Variants in TATDN2 observed in about 807,000 individuals in gnomAD.
TATDN2 encodes the protein 3'-5' RNA nuclease TATDN2.
A neutral mutation model predicts 60.3 loss-of-function variants in TATDN2; 44 were observed. That is an observed-to-expected ratio of 0.73 (90% CI 0.57 to 0.94). The LOEUF (loss-of-function observed/expected upper bound fraction) is 0.94. TATDN2 is among the 40% of genes least tolerant of loss of function. The pLI is 0.00. For missense variants in TATDN2, 997 were observed against 948.0 expected, an observed-to-expected ratio of 1.05 and a Z score of -0.68; for synonymous variants, 399 against 355.8, an observed-to-expected ratio of 1.12 and a Z score of -1.37.
rs1698536713 is a variant in TATDN2 at position 10,270,138 on chromosome 3, A to G, written c.956A>G (p.Asp319Gly). 1 of 1,610,892 alleles carries G rather than the reference A, an allele frequency of 6.2e-7. No individual in the cohort carries two copies. The highest frequency in any genetic ancestry group is 1.7e-5 in the Admixed American group (1 of 59,828). Residue 319 changes from aspartate to glycine, a missense_variant, in exon 4 of 8, where the codon GAT (aspartate) becomes GGT (glycine). Asp to Gly is a moderately conservative substitution (Grantham distance 94). Coordinates refer to ENST00000448281, the MANE Select transcript of TATDN2 (RefSeq NM_014760.4). The stretch of plus-strand genomic sequence containing the variant: ...ATGCCTTCTTTTCTGCAGCATAAAG[A>G]TAGGGAGGTGGTGATGGAGCACCCC... ...DSHLEIQKHK[D>G]REVVMEHPSS...
intron 2 of TATDN2, among the ~76,000 whole-genome samples, chr3:10,253,751 A>G (rs1186573025): frequency 6.6e-6 from 1 of 152,242 alleles, no homozygotes; most frequent in East Asian, 1.9e-4. Flanking sequence ...CCACATATCC[A>G]TTAGTAAATA....
In TATDN2 at chr3:10,249,349, G is replaced by A. The variant is rs1236267740; in HGVS notation, c.149G>A (p.Ser50Asn). 1 of 1,612,648 alleles carries A rather than the reference G, an allele frequency of 6.2e-7. No individual in the cohort carries two copies. The highest frequency in any genetic ancestry group is 1.1e-5 in the South Asian group (1 of 90,946). ...TCTGCGTCGCGTTCTGGAGGGCCCA[G>A]CAGCCCCAAGCGCCTGAAAGCCCAG... is the stretch of plus-strand genomic sequence containing the variant. ...QRSASRSGGPSSPKRLKAQKE... is the reference protein window; with the variant it reads ...QRSASRSGGPNSPKRLKAQKE... Residue 50 changes from serine to asparagine, a missense_variant, in exon 2 of 8, where the codon AGC becomes AAC. By Grantham distance (46) the Ser-to-Asn change is conservative. Coordinates refer to ENST00000448281, the MANE Select transcript of TATDN2 (RefSeq NM_014760.4).
At position 10,270,125 on chromosome 3, in the gene TATDN2, C is replaced by T. The variant is rs995241032; in HGVS notation, c.949-6C>T. The T allele has an allele frequency of 1.2e-6, 2 of 1,604,642 alleles. No homozygotes were observed. The highest frequency in any genetic ancestry group is 1.7e-6 in the Non-Finnish European group (2 of 1,175,758). ...AACCCACTGTTGTATGCCTTCTTTT[C>T]TGCAGCATAAAGATAGGGAGGTGGT... On this transcript the variant is annotated splice_region_variant and splice_polypyrimidine_tract_variant and intron_variant, in intron 3 of 7. Coordinates refer to ENST00000448281, the MANE Select transcript of TATDN2 (RefSeq NM_014760.4).
At chr3:10,272,944 C>A (rs1333752155) in intron 4 of TATDN2, among the ~76,000 whole-genome samples, 1 of 145,042 alleles carries the variant, frequency 6.9e-6, no homozygotes, top group African/African-American at 2.6e-5. Context: ...GAGGCTGAGG[C>A]AGGAGGATTG....
intron 4 of TATDN2, among the ~76,000 whole-genome samples, chr3:10,275,535 G>T (rs941757900): frequency 1.3e-5 from 2 of 152,034 alleles, no homozygotes; most frequent in African/African-American, 4.8e-5. Flanking sequence ...ATCAGTTGAG[G>T]TTAGTTTGAG....
At chr3:10,257,155 G>A (rs1414649058) in intron 2 of TATDN2, among the ~76,000 whole-genome samples, 1 of 151,452 alleles carries the variant, frequency 6.6e-6, no homozygotes, top group Non-Finnish European at 1.5e-5. Flanking sequence ...GGTGGCAGAT[G>A]CCTGTAATCC....
Position 10,249,051 on chromosome 3 carries a change from G to A in TATDN2, c.-23G>A. 1 of 884,960 alleles carries A rather than the reference G, an allele frequency of 1.1e-6. No homozygotes were observed. The highest frequency in any genetic ancestry group is 1.6e-6 in the Non-Finnish European group (1 of 634,048). The allele number at this position is 884,960 out of a possible 1,614,324, so 54.8% of individuals were successfully genotyped here. A position where few individuals can be genotyped will look rare whatever the true frequency, so the allele number is the denominator to read the frequency against. Reference sequence around the variant, plus strand: ...AACCTTGAGAACTGTGATGGGCAGTGGAAAGAAGAGGGAAAGGTCAGTGAG... The same window carrying A: ...AACCTTGAGAACTGTGATGGGCAGTAGAAAGAAGAGGGAAAGGTCAGTGAG... On this transcript the variant is annotated 5_prime_UTR_variant, in exon 1 of 8. Coordinates refer to ENST00000448281, the MANE Select transcript of TATDN2 (RefSeq NM_014760.4).
At chr3:10,252,019 GT>G (rs1237273941) in intron 2 of TATDN2, among the ~76,000 whole-genome samples, 4 of 151,642 alleles carry the variant, frequency 2.6e-5, no homozygotes, top group Non-Finnish European at 4.4e-5. Context: ...ATGGTGGCGG[GT>G]GCCTGTAGTC....
intron 2 of TATDN2, among the ~76,000 whole-genome samples, chr3:10,255,203 G>T (rs971274120): frequency 7.3e-5 from 11 of 151,550 alleles, no homozygotes; most frequent in South Asian, 2.1e-4. Context: ...GTAGAGAGGG[G>T]TTTTTTTGCC....
chr3:10,273,044 A>G (rs1698589293), intron 4 of TATDN2, among the ~76,000 whole-genome samples: 1 of 152,128 alleles, frequency 6.6e-6, no homozygotes. Flanking sequence ...CAAAATTATC[A>G]GGGTCTCAGG....
chr3:10,260,261 A>C lies in TATDN2; in HGVS notation c.539A>C (p.Asp180Ala). The C allele has an allele frequency of 6.2e-7, 1 of 1,614,182 alleles. No individual in the cohort carries two copies. The highest frequency in any genetic ancestry group is 1.1e-5 in the South Asian group (1 of 91,080). The change falls in exon 3 of 8, where the codon GAC becomes GCC. Residue 180 changes from aspartate to alanine, a missense_variant. By Grantham distance (126) the Asp-to-Ala change is moderately radical (BLOSUM62 -2). Coordinates refer to ENST00000448281, the MANE Select transcript of TATDN2 (RefSeq NM_014760.4). The stretch of plus-strand genomic sequence containing the variant: ...AAAAGGAAGAGGGATAGACTTCGAG[A>C]CCAGGGCTCCACAATGATCTACCTG... ...VQKRKRDRLR[D>A]QGSTMIYLKA...
intron 2 of TATDN2, among the ~76,000 whole-genome samples, chr3:10,254,792 A>G (rs1391309072): frequency 6.6e-6 from 1 of 152,120 alleles, no homozygotes; most frequent in Non-Finnish European, 1.5e-5. Flanking sequence ...TTCACCAAGC[A>G]GTGCTTCCAG....
chr3:10,258,534 G>A (rs1329079274), intron 2 of TATDN2, among the ~76,000 whole-genome samples: 2 of 150,846 alleles, frequency 1.3e-5, no homozygotes, highest in Non-Finnish European at 3.0e-5. Context: ...GCAGTGGCAC[G>A]ATCTTGCCTC....
chr3:10,266,692 G>A (rs1354379232), intron 3 of TATDN2, among the ~76,000 whole-genome samples: 1 of 152,228 alleles, frequency 6.6e-6, no homozygotes, highest in Non-Finnish European at 1.5e-5. Flanking sequence ...GGGCCTGACT[G>A]TATTCCAATG....
rs778690732 is a variant in TATDN2 at position 10,249,071 on chromosome 3, A to C, written c.-7+4A>C. On this transcript the variant is annotated splice_donor_region_variant and intron_variant, in intron 1 of 7. Transcript: ENST00000448281. ...GCAGTGGAAAGAAGAGGGAAAGGTC[A>C]GTGAGGCTAGCCCCTGGCTCTGCCC... The C allele has an allele frequency of 1.8e-6, 2 of 1,083,878 alleles. No homozygotes were observed. The highest frequency in any genetic ancestry group is 2.5e-6 in the Non-Finnish European group (2 of 798,336). The allele number at this position is 1,083,878 out of a possible 1,614,324, so 67.1% of individuals were successfully genotyped here.
At chr3:10,253,224 C>A (rs1336000895) in intron 2 of TATDN2, among the ~76,000 whole-genome samples, 2 of 151,996 alleles carry the variant, frequency 1.3e-5, no homozygotes, top group African/African-American at 2.4e-5. Context: ...TGGTCTCAAT[C>A]TCCTGGGGTC....
At chr3:10,260,025 A>G (rs898903627) in intron 2 of TATDN2, 112 bp from the exon 3 acceptor site, 8 of 1,280,302 alleles carry the variant, frequency 6.2e-6, no homozygotes, top group Non-Finnish European at 8.6e-6. Flanking sequence ...CCTTAGCCAC[A>G]GTCACTTTCC....
intron 3 of TATDN2, among the ~76,000 whole-genome samples, chr3:10,267,304 G>A (rs1698492309): frequency 1.3e-5 from 2 of 151,180 alleles, no homozygotes; most frequent in South Asian, 2.1e-4. Context: ...CATTTTCTTG[G>A]CCAACTTGAC....
intron 3 of TATDN2, among the ~76,000 whole-genome samples, chr3:10,263,322 AC>A (rs1249526378): frequency 2.0e-5 from 3 of 151,408 alleles, no homozygotes; most frequent in African/African-American, 7.3e-5. Flanking sequence ...CAATCTAGAA[AC>A]CCTTGTACTT....
Sources: allele counts gnomAD v4.1 joint callset (sites outside exome capture counted in the v4.1 genomes callset), GRCh38; gene constraint gnomAD v4.1.1; transcripts MANE v1.5; gene names NCBI Gene and HGNC (gene_info 2026-07-23, HGNC 2026-07-21).